The following ELFN2 variants were observed in gnomAD, a reference collection of about 807,000 sequenced individuals.
The protein encoded by ELFN2 is protein phosphatase 1 regulatory subunit 29.
Under a neutral mutation model 45.5 loss-of-function variants are expected in ELFN2, and 17 were observed. The ratio of observed to expected loss-of-function variants is 0.37; its 90% confidence interval spans 0.26 to 0.56. The LOEUF (loss-of-function observed/expected upper bound fraction) is 0.56. Among genes scored for constraint, ELFN2 ranks in the 20% least tolerant of loss-of-function variants. ELFN2 has a pLI of 0.77. For missense variants in ELFN2, 922 were observed against 1,183.2 expected (o/e 0.78, Z 3.24); for synonymous variants, 550 against 551.5 (o/e 1.00, Z 0.04).
At chr22:37,400,806 G>T (rs1259400351) in intron 2 of ELFN2, among the ~76,000 whole-genome samples, 1 of 152,270 alleles carries the variant, frequency 6.6e-6, no homozygotes, top group African/African-American at 2.4e-5. Context: ...CTTGTAGAGG[G>T]ATCTAAAGGT....
At chr22:37,367,348 C>T (rs1931227898), downstream of ELFN2, among the ~76,000 whole-genome samples, 1 of 152,186 alleles carries the variant, frequency 6.6e-6, no homozygotes, top group South Asian at 2.1e-4. Context: ...CCCCGAAGGA[C>T]CAGAGAGGAT....
intron 2 of ELFN2, among the ~76,000 whole-genome samples, chr22:37,390,494 G>A (rs912382501): frequency 3.3e-5 from 5 of 152,302 alleles, no homozygotes; most frequent in East Asian, 1.9e-4. Flanking sequence ...AGGGCCCAGC[G>A]TGAGCCCCAG....
intron 2 of ELFN2, among the ~76,000 whole-genome samples, chr22:37,390,873 G>T (rs748148623): frequency 2.0e-5 from 3 of 152,202 alleles, no homozygotes; most frequent in African/African-American, 4.8e-5. Context: ...GCTGGCCCAG[G>T]GGGAGGCCCT....
intron 2 of ELFN2, among the ~76,000 whole-genome samples, chr22:37,414,012 T>C (rs748559793): frequency 6.6e-6 from 1 of 152,208 alleles, no homozygotes; most frequent in Non-Finnish European, 1.5e-5. Context: ...CCGGCCTCCC[T>C]GGCCTCACTG....
At chr22:37,392,597 T>C (rs948510647) in intron 2 of ELFN2, among the ~76,000 whole-genome samples, 14 of 152,126 alleles carry the variant, frequency 9.2e-5, no homozygotes, top group Non-Finnish European at 1.6e-4. Context: ...GGATTACAGG[T>C]GTAAGCCACC....
Position 37,375,237 on chromosome 22 carries a change from G to A in ELFN2, c.298C>T (p.Leu100=), listed in dbSNP as rs1047938766. The A allele has an allele frequency of 3.7e-6, 6 of 1,614,156 alleles. No individual in the cohort carries two copies. The highest frequency in any genetic ancestry group is 1.3e-5 in the African/African-American group (1 of 75,048). The part of the protein sequence containing the change: ...EISYIEDGAF[L]GQSSLQVLQL... ...AGGACCTGCAGGCTCGACTGGCCCA[G>A]GAAGGCACCGTCCTCGATGTAGGAG... is the stretch of plus-strand genomic sequence containing the variant. Residue 100 remains leucine (L), a synonymous_variant, in exon 3 of 3, where the codon CTG becomes TTG. Transcript: ENST00000402918.
chr22:37,391,305 G>T (rs1932081129), intron 2 of ELFN2, among the ~76,000 whole-genome samples: 1 of 152,160 alleles, frequency 6.6e-6, no homozygotes, highest in Non-Finnish European at 1.5e-5. Flanking sequence ...AAGACCAAGT[G>T]TGGACAGTCT....
At position 37,371,262 on chromosome 22, in the gene ELFN2, C is replaced by G. The variant is rs539451470; in HGVS notation, c.*1810G>C. On this transcript the variant is annotated 3_prime_UTR_variant, in exon 3 of 3. Transcript: ENST00000402918. This position sits in a 1 kb window ranked among gnomAD's most constrained non-coding sequence, Gnocchi z 6.4. ...CAGAGCCCCTGCCCACCAACAGTGC[C>G]GGTCTTGGACCCATTCCAGTGCCTA... 6.6e-6 allele frequency: 1 copy of G among 152,326 alleles called. No individual in the cohort carries two copies. Among genetic ancestry groups the G allele is most frequent in the Non-Finnish European group, 1.5e-5 (1 of 68,106 alleles). 9.4% of individuals were successfully genotyped at this position (152,326 alleles called of 1,614,324 possible).
chr22:37,366,590 C>T (rs1931211873), downstream of ELFN2, among the ~76,000 whole-genome samples: 1 of 152,244 alleles, frequency 6.6e-6, no homozygotes, highest in Non-Finnish European at 1.5e-5. Flanking sequence ...TCCTGGAGCC[C>T]AGGGTTGGGT....
At chr22:37,377,690 G>A (rs1404818852) in intron 2 of ELFN2, among the ~76,000 whole-genome samples, 1 of 152,184 alleles carries the variant, frequency 6.6e-6, no homozygotes, top group South Asian at 2.1e-4. Context: ...GCCATCAGAG[G>A]CTGTGATGAT....
chr22:37,374,743 G>A lies in ELFN2; in HGVS notation c.792C>T (p.Asp264=), dbSNP rs144621009. 3,131 of 1,611,226 alleles carry A rather than the reference G, an allele frequency of 1.9e-3. 27 individuals are homozygous for A. In the Middle Eastern group the frequency reaches 0.047, roughly 24 times the overall value. Residue 264 remains aspartate (D), a synonymous_variant, in exon 3 of 3, where the codon GAC becomes GAT. Coordinates refer to ENST00000402918, the MANE Select transcript of ELFN2 (RefSeq NM_052906.5). ...AGTTCTCGTCTGGCTCCCTCTGGGC[G>A]TCGGTGGAGTAGGGCGTGGGGTGGC... ...PVSHPTPYST[D]AQREPDENSG...
In ELFN2 at chr22:37,371,258, G is replaced by A. The variant is rs1931358203; in HGVS notation, c.*1814C>T. On this transcript the variant is annotated 3_prime_UTR_variant, in exon 3 of 3. Coordinates refer to ENST00000402918, the MANE Select transcript of ELFN2 (RefSeq NM_052906.5). The surrounding 1 kb of genome is among the most constrained non-coding windows in gnomAD (Gnocchi z 6.4). Reference sequence around the variant, plus strand: ...TGGTCAGAGCCCCTGCCCACCAACAGTGCCGGTCTTGGACCCATTCCAGTG... The same window carrying A: ...TGGTCAGAGCCCCTGCCCACCAACAATGCCGGTCTTGGACCCATTCCAGTG... 6.6e-6 allele frequency: 1 copy of A among 152,422 alleles called. No homozygotes were observed. The highest frequency in any genetic ancestry group is 1.5e-5 in the Non-Finnish European group (1 of 68,156). The allele number at this position is 152,422 out of a possible 1,614,324, so 9.4% of individuals were successfully genotyped here. A position where few individuals can be genotyped will look rare whatever the true frequency, so the allele number is the denominator to read the frequency against.
chr22:37,424,104 G>A (rs1932830480), intron 1 of ELFN2, among the ~76,000 whole-genome samples: 1 of 152,152 alleles, frequency 6.6e-6, no homozygotes, highest in South Asian at 2.1e-4. Context: ...ACAACATGGG[G>A]CAGGTGGGGG....
At chr22:37,361,147 G>A (rs1201651619) in intron 1 of ELFN2, among the ~76,000 whole-genome samples, 1 of 152,146 alleles carries the variant, frequency 6.6e-6, no homozygotes, top group Non-Finnish European at 1.5e-5. Flanking sequence ...TGCCAGCCAG[G>A]GCTGGTGCCT....
intron 1 of ELFN2, among the ~76,000 whole-genome samples, chr22:37,352,902 G>A (rs1930857157): frequency 6.6e-6 from 1 of 150,892 alleles, no homozygotes; most frequent in Admixed American, 6.6e-5. Flanking sequence ...GGCACAGGTC[G>A]GGGTGGAGGA....
At chr22:37,362,049 C>G (rs1397743309) in intron 1 of ELFN2, among the ~76,000 whole-genome samples, 1 of 152,226 alleles carries the variant, frequency 6.6e-6, no homozygotes, top group African/African-American at 2.4e-5. Context: ...ACGGTCCACC[C>G]TGGGAAGGAC....
intron 2 of ELFN2, among the ~76,000 whole-genome samples, chr22:37,401,025 T>G (rs1212648183): frequency 6.6e-6 from 1 of 152,186 alleles, no homozygotes; most frequent in African/African-American, 2.4e-5. Flanking sequence ...TCAACAGACA[T>G]GGCACTGCCC....
rs1171467663 is a variant in ELFN2 at position 37,348,549 on chromosome 22, CAAGGTCCGG to C, written n.149-5855_149-5847del. Among the ~76,000 whole-genome samples, 7 of 150,756 alleles carry C rather than the reference CAAGGTCCGG, an allele frequency of 4.6e-5. 1 individual carries two copies. The highest frequency in any genetic ancestry group is 1.0e-4 in the Non-Finnish European group (7 of 67,120). ...AGTCCCATGGCCTTGCAGGGAAAAG[CAAGGTCCGG>C]AAGGTGAGGCCCAGCCCCGGGCCAG... On this transcript the variant is annotated intron_variant and non_coding_transcript_variant, in intron 1 of 2. Transcript: ENST00000452946.
At chr22:37,419,896 C>T (rs1932796061) in intron 1 of ELFN2, among the ~76,000 whole-genome samples, 2 of 152,176 alleles carry the variant, frequency 1.3e-5, no homozygotes, top group Admixed American at 6.5e-5. Flanking sequence ...TGTGCCCCTG[C>T]CCAGCGCGGC....
Sources: allele counts gnomAD v4.1 joint callset (sites outside exome capture counted in the v4.1 genomes callset), GRCh38; gene constraint gnomAD v4.1.1; non-coding constraint Gnocchi (gnomAD v3.1); transcripts MANE v1.5; gene names NCBI Gene and HGNC (gene_info 2026-07-23, HGNC 2026-07-21).